Variants in KIF1B observed in about 807,000 individuals in gnomAD.
KIF1B encodes the protein kinesin family member 1B, also known as kinesin-like protein KIF1B.
A neutral mutation model predicts 241.9 loss-of-function variants in KIF1B; 76 were observed. The ratio of observed to expected loss-of-function variants is 0.31; its 90% CI spans 0.26 to 0.38. The LOEUF (loss-of-function observed/expected upper bound fraction) is 0.38. Among genes scored for constraint, KIF1B ranks in the 10% least tolerant of loss-of-function variants. The pLI is 1.00. For synonymous variants in KIF1B, 750 were observed against 796.7 expected, an observed-to-expected ratio of 0.94 and a Z score of 0.99; for missense variants, 1,622 against 2,271.4, an observed-to-expected ratio of 0.71 and a Z score of 5.81.
chr1:10,366,832 G>A (rs180684568), intron 43 of KIF1B, among the ~76,000 whole-genome samples: 19 of 152,072 alleles, frequency 1.2e-4, no homozygotes, highest in African/African-American at 3.6e-4. Flanking sequence ...TTAGCCGAAC[G>A]TGGTGGCGTG....
At chr1:10,347,155 G>A (rs1652619282) in intron 35 of KIF1B, among the ~76,000 whole-genome samples, 1 of 152,192 alleles carries the variant, frequency 6.6e-6, no homozygotes, top group African/African-American at 2.4e-5. Flanking sequence ...ACAGAGGCAA[G>A]GGGCTGTATC....
At chr1:10,256,035 C>T (rs1326324159) in intron 2 of KIF1B, among the ~76,000 whole-genome samples, 1 of 151,744 alleles carries the variant, frequency 6.6e-6, no homozygotes, top group African/African-American at 2.4e-5. Context: ...TCTTGAACTC[C>T]TGACCTCTAG....
intron 34 of KIF1B, chr1:10,345,586 C>T (rs1448699803): frequency 2.2e-6 from 1 of 456,290 alleles, no homozygotes; most frequent in African/African-American, 2.0e-5. Context: ...TACACAAAAG[C>T]TGTTTTCTCA....
chr1:10,357,881 C>T (rs1192139431), intron 38 of KIF1B, among the ~76,000 whole-genome samples: 12 of 151,488 alleles, frequency 7.9e-5, no homozygotes, highest in Admixed American at 2.0e-4. Flanking sequence ...TGGTGGTGGG[C>T]GCCTGTAATC....
At position 10,374,223 on chromosome 1, in the gene KIF1B, A is replaced by C. The variant is rs1414615782; in HGVS notation, c.4947-93A>C. ...TTGCAGCTGGGGTTTAGGGAGGGCC[A>C]TTGTGTTCCTCCCAGTGAAACAGTA... On this transcript the variant is annotated intron_variant, in intron 45 of 48. Transcript: ENST00000676179. This position sits in a 1 kb window ranked among gnomAD's most constrained non-coding sequence, Gnocchi z 4.3. 9 of 1,357,722 alleles carry C rather than the reference A, an allele frequency of 6.6e-6. No homozygotes were observed. Among genetic ancestry groups the C allele is most frequent in the Non-Finnish European group, 8.4e-6 (8 of 948,402 alleles). The allele number at this position is 1,357,722 out of a possible 1,614,324, so 84.1% of individuals were successfully genotyped here.
intron 2 of KIF1B, among the ~76,000 whole-genome samples, chr1:10,236,988 A>G (rs1418455648): frequency 6.6e-6 from 1 of 152,336 alleles, no homozygotes; most frequent in Non-Finnish European, 1.5e-5. Flanking sequence ...CACAAGGATT[A>G]TAACTGATTG....
chr1:10,296,411 T>C (rs566555534), intron 19 of KIF1B, among the ~76,000 whole-genome samples, 171 bp from the exon 20 acceptor site: 8 of 152,318 alleles, frequency 5.3e-5, no homozygotes, highest in South Asian at 4.1e-4. Flanking sequence ...GCCTCTTCTA[T>C]TGGGGCTAGT....
intron 32 of KIF1B, among the ~76,000 whole-genome samples, chr1:10,340,963 A>C (rs1483893541): frequency 6.6e-6 from 1 of 152,172 alleles, no homozygotes; most frequent in Non-Finnish European, 1.5e-5. Context: ...GAGAACTTCA[A>C]AGATGGAACA....
In KIF1B at chr1:10,365,553, AC is replaced by A; in HGVS notation, c.4659del (p.Phe1554LeufsTer86). The A allele has an allele frequency of 6.2e-7, 1 of 1,613,840 alleles. No individual in the cohort carries two copies. The highest frequency in any genetic ancestry group is 8.5e-7 in the Non-Finnish European group (1 of 1,179,954). On this transcript the variant is annotated frameshift_variant, in exon 43 of 49. Coordinates refer to ENST00000676179, the MANE Select transcript of KIF1B (RefSeq NM_001365951.3). LOFTEE classifies it high-confidence loss of function. This position sits in a 1 kb window ranked among gnomAD's most constrained non-coding sequence, Gnocchi z 4.0. ...TATCTCCTCTCAGATCTCAACCACT[AC>A]CTTTGAAAGCGCCATCACACCTAGC... ...TSISSQISTT[T>X]FESAITPSES...
At chr1:10,242,570 G>A (rs1047616251) in intron 2 of KIF1B, among the ~76,000 whole-genome samples, 1 of 152,080 alleles carries the variant, frequency 6.6e-6, no homozygotes, top group African/African-American at 2.4e-5. Flanking sequence ...AGGCTGGAGT[G>A]CAATGGTGCA....
intron 2 of KIF1B, among the ~76,000 whole-genome samples, chr1:10,255,081 T>C (rs1205273359): frequency 6.6e-6 from 1 of 151,920 alleles, no homozygotes. Flanking sequence ...CCCCAGTAGC[T>C]GGGATTATAG....
At chr1:10,232,208 T>G (rs1034686789) in intron 1 of KIF1B, 42 bp from the exon 2 acceptor site, 4 of 707,752 alleles carry the variant, frequency 5.7e-6, no homozygotes, top group Non-Finnish European at 1.0e-5. Context: ...AGTTCTTGCT[T>G]TAATTCTGAC....
At chr1:10,321,996 T>A in intron 24 of KIF1B, 139 bp downstream of exon 24, 1 of 812,682 alleles carries the variant, frequency 1.2e-6, no homozygotes, top group East Asian at 2.7e-5. Flanking sequence ...ATATATGTCT[T>A]TATTTAATAT....
At chr1:10,307,960 G>C in intron 22 of KIF1B, 1 of 1,054,752 alleles carries the variant, frequency 9.5e-7, no homozygotes, top group Non-Finnish European at 1.1e-6. Context: ...GTGATGAATG[G>C]GAATTGTTTA....
In KIF1B at chr1:10,365,763, C is replaced by A. The variant is rs1161975303; in HGVS notation, c.4752+115C>A. ...AGGTGTTTGAAGGCCTGTGATAATACTGTGAATGTAGAAATAAAAAGACGC... is the reference window on the plus strand; with the variant it reads ...AGGTGTTTGAAGGCCTGTGATAATAATGTGAATGTAGAAATAAAAAGACGC... On this transcript the variant is annotated intron_variant, in intron 43 of 48. Transcript: ENST00000676179. This position sits in a 1 kb window ranked among gnomAD's most constrained non-coding sequence, Gnocchi z 4.0. The A allele has an allele frequency of 7.1e-7, 1 of 1,416,566 alleles. No homozygotes were observed. Among genetic ancestry groups the A allele is most frequent in the Non-Finnish European group, 9.8e-7 (1 of 1,017,716 alleles). The allele number at this position is 1,416,566 out of a possible 1,614,324, so 87.7% of individuals were successfully genotyped here.
chr1:10,256,341 A>G lies in KIF1B; in HGVS notation c.183+18A>G, dbSNP rs940310439. The G allele has an allele frequency of 1.3e-6, 2 of 1,538,936 alleles. No homozygotes were observed. Among genetic ancestry groups the G allele is most frequent in the African/African-American group, 1.4e-5 (1 of 73,458 alleles). Reference sequence around the variant, plus strand: ...ATACCTCAGTGAGTACCCTCATGCCACAGCACTGCCAGCTCCTGCCTCCTT... The same window carrying G: ...ATACCTCAGTGAGTACCCTCATGCCGCAGCACTGCCAGCTCCTGCCTCCTT... On this transcript the variant is annotated intron_variant, in intron 3 of 48. Coordinates refer to ENST00000676179, the MANE Select transcript of KIF1B (RefSeq NM_001365951.3).
Position 10,374,937 on chromosome 1 carries a change from G to A in KIF1B, c.5180G>A (p.Arg1727Gln), listed in dbSNP as rs969290629. The A allele has an allele frequency of 3.7e-6, 6 of 1,613,896 alleles. No homozygotes were observed. Among genetic ancestry groups the A allele is most frequent in the Non-Finnish European group, 4.2e-6 (5 of 1,180,004 alleles). Reference protein sequence around the residue: ...NWAKHFVVVRRPYVFIYNSDK... With the variant: ...NWAKHFVVVRQPYVFIYNSDK... ...GCTAAACATTTTGTTGTCGTCCGTC[G>A]GCCTTATGTCTTCATCTATAACAGT... The change falls in exon 47 of 49, where the codon CGG (arginine) becomes CAG (glutamine). Residue 1727 changes from arginine to glutamine, a missense_variant. Around this residue, in one of 7 missense-constraint regions of KIF1B, gnomAD observed 357 missense variants for 409.0 expected, o/e 0.87. Coordinates refer to ENST00000676179, the MANE Select transcript of KIF1B (RefSeq NM_001365951.3). This position sits in a 1 kb window ranked among gnomAD's most constrained non-coding sequence, Gnocchi z 4.3.
Position 10,379,621 on chromosome 1 carries a change from C to T in KIF1B, c.*3034C>T, listed in dbSNP as rs886045006. On this transcript the variant is annotated 3_prime_UTR_variant, in exon 49 of 49. Transcript: ENST00000676179. ...CACCTTTATGTATTTTCTTAAAGCA[C>T]GCCTTTAAATAAGCAAAAACTTTAA... 9 of 231,180 alleles carry T rather than the reference C, an allele frequency of 3.9e-5. No individual in the cohort carries two copies. Among genetic ancestry groups the T allele is most frequent in the South Asian group, 1.8e-4 (1 of 5,512 alleles). The allele number at this position is 231,180 out of a possible 1,614,324, so 14.3% of individuals were successfully genotyped here.
intron 38 of KIF1B, among the ~76,000 whole-genome samples, chr1:10,354,325 G>A (rs931542408): frequency 2.0e-5 from 3 of 152,074 alleles, no homozygotes; most frequent in African/African-American, 4.8e-5. Flanking sequence ...ATCATTTACT[G>A]GAGTTCTGAT....
Sources: gnomAD v4.1 joint callset for allele counts (sites outside exome capture counted in the v4.1 genomes callset) on GRCh38, gnomAD v4.1.1 for gene constraint, gnomAD v4.1.1 regional missense constraint, Gnocchi (gnomAD v3.1) non-coding constraint, MANE v1.5 for transcripts, NCBI Gene and HGNC (gene_info 2026-07-23, HGNC 2026-07-21) for gene names.